Variants in RSRC1 observed in about 807,000 individuals in gnomAD.
RSRC1 encodes serine/Arginine-related protein 53.
RSRC1 carries 39 observed loss-of-function variants against 49.1 expected under a neutral mutation model. The ratio of observed to expected loss-of-function variants is 0.79; its 90% CI spans 0.61 to 1.04. The LOEUF (loss-of-function observed/expected upper bound fraction) is 1.04, where lower values mean the gene tolerates loss of function less well. Ranked by LOEUF, RSRC1 falls within the 50% of genes least tolerant of loss-of-function variation. The pLI is 0.00. For missense variants in RSRC1, 388 were observed against 402.4 expected (o/e 0.96, Z 0.31); for synonymous variants, 143 against 130.8 (o/e 1.09, Z -0.63).
chr3:158,516,774 C>T (rs1740565400), intron 7 of RSRC1, among the ~76,000 whole-genome samples: 1 of 152,228 alleles, frequency 6.6e-6, no homozygotes, highest in Non-Finnish European at 1.5e-5. Context: ...GCCCTCCGAG[C>T]CAGGTGCGGG....
At chr3:158,378,808 A>G (rs1249065614) in intron 6 of RSRC1, among the ~76,000 whole-genome samples, 2 of 152,118 alleles carry the variant, frequency 1.3e-5, no homozygotes, top group Non-Finnish European at 2.9e-5. Context: ...GCCATGTCTT[A>G]CTACAACCAT....
chr3:158,191,845 G>A (rs1274128100), intron 3 of RSRC1, among the ~76,000 whole-genome samples: 1 of 151,920 alleles, frequency 6.6e-6, no homozygotes, highest in Non-Finnish European at 1.5e-5. Context: ...CTTTCTTCTT[G>A]AGGACCATTC....
intron 7 of RSRC1, among the ~76,000 whole-genome samples, chr3:158,510,518 A>G (rs1341293507): frequency 1.3e-5 from 2 of 151,774 alleles, no homozygotes; most frequent in African/African-American, 4.8e-5. Context: ...TTAATGTTTA[A>G]TTTTCGTGGT....
At chr3:158,543,215 G>A in intron 8 of RSRC1, 120 bp from the exon 9 acceptor site, 1 of 713,882 alleles carries the variant, frequency 1.4e-6, no homozygotes, top group Non-Finnish European at 2.0e-6. Flanking sequence ...GGCCTTTTTG[G>A]AGATGGGTAT....
rs538992318 is a variant in RSRC1, at chr3:158,427,829, G to A, written c.584-33106G>A. Among the ~76,000 whole-genome samples, 36 of 151,834 alleles carry A rather than the reference G, an allele frequency of 2.4e-4. No homozygotes were observed. In the South Asian group the frequency reaches 6.2e-3, roughly 26 times the overall value. On this transcript the variant is annotated intron_variant, in intron 6 of 9. Transcript: ENST00000611884. ...TGACTACATAATATTTGTCCAGGCA[G>A]TATAACATCAACCACTTGCCTATTG...
intron 6 of RSRC1, among the ~76,000 whole-genome samples, chr3:158,370,714 T>C (rs966020288): frequency 6.6e-6 from 1 of 151,920 alleles, no homozygotes; most frequent in African/African-American, 2.4e-5. Context: ...TATATGGATG[T>C]TTGTGTACAA....
chr3:158,336,032 C>T (rs1215788477), intron 5 of RSRC1, among the ~76,000 whole-genome samples: 2 of 152,198 alleles, frequency 1.3e-5, no homozygotes, highest in Non-Finnish European at 2.9e-5. Flanking sequence ...GAGGAGGACT[C>T]ATTTAATCCG....
intron 5 of RSRC1, among the ~76,000 whole-genome samples, chr3:158,342,690 A>G (rs892310886): frequency 1.3e-5 from 2 of 152,244 alleles, no homozygotes; most frequent in African/African-American, 2.4e-5. Context: ...TAGTATTAAA[A>G]GAAATAATAG....
At chr3:158,331,000 C>T (rs1017608162) in intron 5 of RSRC1, among the ~76,000 whole-genome samples, 7 of 152,008 alleles carry the variant, frequency 4.6e-5, no homozygotes, top group East Asian at 1.9e-4. Context: ...TGGCAGCAGA[C>T]GATACAGAGA....
chr3:158,252,354 A>G (rs1024139219), intron 4 of RSRC1, among the ~76,000 whole-genome samples: 1 of 150,098 alleles, frequency 6.7e-6, no homozygotes, highest in Non-Finnish European at 1.5e-5. Context: ...TTAAGTAGAG[A>G]TGGGGTTTCA....
intron 7 of RSRC1, among the ~76,000 whole-genome samples, chr3:158,480,505 T>C (rs888874635): frequency 2.0e-5 from 3 of 152,082 alleles, no homozygotes; most frequent in Admixed American, 1.3e-4. Context: ...ATGCGAAATT[T>C]GGTTTTTTCT....
intron 4 of RSRC1, among the ~76,000 whole-genome samples, chr3:158,289,785 G>A (rs827138): frequency 0.95 from 144,132 of 152,294 alleles, 68,313 homozygotes; most frequent in East Asian, 1. Context: ...GAGTTAAAAT[G>A]CAAAAATAGA....
chr3:158,218,458 G>A (rs1423574186), intron 4 of RSRC1, among the ~76,000 whole-genome samples: 3 of 151,624 alleles, frequency 2.0e-5, no homozygotes, highest in African/African-American at 7.3e-5. Flanking sequence ...ATAACCATTA[G>A]TTTTCTGATT....
chr3:158,207,574 G>A (rs977988060), intron 4 of RSRC1, among the ~76,000 whole-genome samples: 1 of 152,060 alleles, frequency 6.6e-6, no homozygotes, highest in African/African-American at 2.4e-5. Flanking sequence ...GTTTTAGCTT[G>A]TGCTAAGTAA....
intron 3 of RSRC1, among the ~76,000 whole-genome samples, chr3:158,126,695 T>C (rs953398921): frequency 6.6e-6 from 1 of 152,182 alleles, no homozygotes; most frequent in Non-Finnish European, 1.5e-5. Flanking sequence ...TCATGTACTT[T>C]TGTGTTGCTG....
chr3:158,263,553 A>G (rs1429759488), intron 4 of RSRC1, among the ~76,000 whole-genome samples: 2 of 152,106 alleles, frequency 1.3e-5, no homozygotes, highest in Admixed American at 6.5e-5. Flanking sequence ...GAGTTGGGAA[A>G]TATTTCCTTT....
intron 5 of RSRC1, among the ~76,000 whole-genome samples, chr3:158,327,929 A>G (rs1729269683): frequency 6.6e-6 from 1 of 152,202 alleles, no homozygotes; most frequent in Admixed American, 6.5e-5. Context: ...TATTGGGTGC[A>G]TACATATTTA....
intron 4 of RSRC1, chr3:158,225,509 C>T (rs1420830774): frequency 3.3e-6 from 1 of 304,966 alleles, no homozygotes; most frequent in Non-Finnish European, 6.4e-6. Flanking sequence ...TGTTCAGTTA[C>T]TGCTGCCCAG....
At chr3:158,366,028 T>A (rs1049121987) in intron 6 of RSRC1, among the ~76,000 whole-genome samples, 1 of 152,210 alleles carries the variant, frequency 6.6e-6, no homozygotes, top group Non-Finnish European at 1.5e-5. Flanking sequence ...TTAAGTTCCT[T>A]ATAGATTCTG....
Sources: allele counts gnomAD v4.1 joint callset (sites outside exome capture counted in the v4.1 genomes callset), GRCh38; gene constraint gnomAD v4.1.1; transcripts MANE v1.5; gene names NCBI Gene and HGNC (gene_info 2026-07-23, HGNC 2026-07-21).